PHACTR4: variants seen among roughly 807,000 people sequenced by gnomAD.
PHACTR4 encodes protein phosphatase 1, regulatory subunit 124.
PHACTR4 carries 51 observed loss-of-function variants against 72.7 expected under a neutral mutation model. The observed-to-expected ratio is 0.70, with a 90% CI of 0.56 to 0.89. The LOEUF (loss-of-function observed/expected upper bound fraction) is 0.89. Ranked by LOEUF, PHACTR4 falls within the 40% of genes least tolerant of loss-of-function variation. PHACTR4 has a pLI of 0.00. For synonymous variants in PHACTR4, 255 were observed against 302.5 expected (o/e 0.84, Z 1.63); for missense variants, 731 against 861.8 (o/e 0.85, Z 1.90).
chr1:28,476,154 G>A lies in PHACTR4; in HGVS notation c.1469G>A (p.Ser490Asn), dbSNP rs755380108. ...GAGCAAACCTGTCCATCCACATTCA[G>A]TGAAGAAATGACACCTACCTCAGTC... ...EEEQTCPSTF[S>N]EEMTPTSVIP... The change falls in exon 8 of 14, where the codon AGT becomes AAT. Residue 490 changes from serine to asparagine, a missense_variant. Ser to Asn is a conservative substitution (Grantham distance 46). Transcript: ENST00000373839. 44 of 1,611,990 alleles carry A rather than the reference G, an allele frequency of 2.7e-5. No individual in the cohort carries two copies. Among genetic ancestry groups the A allele is most frequent in the Non-Finnish European group, 3.6e-5 (42 of 1,178,982 alleles).
At chr1:28,437,450 G>A (rs1194940622) in intron 2 of PHACTR4, among the ~76,000 whole-genome samples, 4 of 152,004 alleles carry the variant, frequency 2.6e-5, no homozygotes, top group African/African-American at 7.2e-5. Context: ...CGCTGATCTC[G>A]AGCTCTTGGG....
intron 6 of PHACTR4, among the ~76,000 whole-genome samples, chr1:28,469,706 T>A (rs1226972638): frequency 1.3e-5 from 2 of 152,200 alleles, no homozygotes; most frequent in African/African-American, 4.8e-5. Context: ...AAAATTCACA[T>A]TTTTAGAATC....
Position 28,483,798 on chromosome 1 carries a change from C to CAAAA in PHACTR4, c.1760+3212_1760+3215dup, listed in dbSNP as rs991081654. Among the ~76,000 whole-genome samples, 27 of 70,938 alleles carry CAAAA rather than the reference C, an allele frequency of 3.8e-4. 1 individual carries two copies. The highest frequency in any genetic ancestry group is 1.2e-3 in the African/African-American group (25 of 21,462). The allele number at this position is 70,938 out of a possible 152,430, so 46.5% of individuals were successfully genotyped here. A position where few individuals can be genotyped will look rare whatever the true frequency, so the allele number is the denominator to read the frequency against. On this transcript the variant is annotated intron_variant, in intron 9 of 13. Transcript: ENST00000373839. ...TGGGTGACAGAGCAAGACTCCGTCT[C>CAAAA]AAAAAAAAAAAAAAAAAAAAAGAGA...
chr1:28,479,383 A>G (rs546457054), intron 8 of PHACTR4, among the ~76,000 whole-genome samples: 2 of 144,328 alleles, frequency 1.4e-5, no homozygotes, highest in South Asian at 2.3e-4. Flanking sequence ...CTGTGCCACT[A>G]CACTCCAGCC....
intron 2 of PHACTR4, among the ~76,000 whole-genome samples, chr1:28,419,722 A>C (rs748787026): frequency 3.3e-4 from 50 of 152,314 alleles, no homozygotes; most frequent in Admixed American, 5.9e-4. Context: ...TAAAAGCTTT[A>C]GTTACCCTAG....
intron 1 of PHACTR4, among the ~76,000 whole-genome samples, chr1:28,382,367 G>A (rs1023510860): frequency 4.0e-5 from 6 of 151,584 alleles, no homozygotes; most frequent in Non-Finnish European, 7.4e-5. Context: ...GCAGTGGCAC[G>A]ATCTTGGCTC....
At chr1:28,492,916 G>A in intron 12 of PHACTR4, 99 bp from the exon 13 acceptor site, 2 of 1,042,500 alleles carry the variant, frequency 1.9e-6, no homozygotes, top group South Asian at 1.4e-5. Flanking sequence ...AGGGGTTGCA[G>A]TGACTTACAA....
intron 6 of PHACTR4, among the ~76,000 whole-genome samples, chr1:28,472,882 A>G (rs1332727222): frequency 7.0e-6 from 1 of 142,520 alleles, no homozygotes; most frequent in Non-Finnish European, 1.5e-5. Flanking sequence ...CTCCCAAAGT[A>G]TTGGGATTAC....
At chr1:28,491,530 T>G (rs979564792) in intron 11 of PHACTR4, 120 bp from the exon 12 acceptor site, 19 of 1,337,620 alleles carry the variant, frequency 1.4e-5, no homozygotes, top group African/African-American at 7.4e-5. Context: ...GGATCAATAG[T>G]GTCTAAAGCT....
At chr1:28,369,897 G>A (rs1173173267) in intron 1 of PHACTR4, 72 bp downstream of exon 1, 3 of 406,666 alleles carry the variant, frequency 7.4e-6, no homozygotes, top group Admixed American at 6.2e-5. Flanking sequence ...CTCAGGCTGC[G>A]GCCCCTTTCT....
At chr1:28,492,690 C>T (rs1178575509) in intron 12 of PHACTR4, among the ~76,000 whole-genome samples, 1 of 151,830 alleles carries the variant, frequency 6.6e-6, no homozygotes, top group South Asian at 2.1e-4. Flanking sequence ...AACCCAGGAG[C>T]TGAAGGTTGC....
At chr1:28,423,841 A>T (rs768957597) in intron 2 of PHACTR4, among the ~76,000 whole-genome samples, 1 of 152,164 alleles carries the variant, frequency 6.6e-6, no homozygotes, top group African/African-American at 2.4e-5. Flanking sequence ...CACACGTTCA[A>T]TTCATGTTAG....
chr1:28,379,523 CT>C (rs557078126), intron 1 of PHACTR4, among the ~76,000 whole-genome samples: 218 of 152,024 alleles, frequency 1.4e-3, no homozygotes, highest in African/African-American at 5.0e-3. Context: ...ATCCATCCAC[CT>C]TGGCCTGCCA....
chr1:28,410,377 A>G (rs1654699585), intron 2 of PHACTR4, among the ~76,000 whole-genome samples: 1 of 152,176 alleles, frequency 6.6e-6, no homozygotes, highest in Admixed American at 6.5e-5. Context: ...TGACCATATG[A>G]TAAACTAGAA....
intron 2 of PHACTR4, among the ~76,000 whole-genome samples, chr1:28,416,347 C>G (rs764535435): frequency 1.3e-5 from 2 of 152,184 alleles, no homozygotes; most frequent in Non-Finnish European, 2.9e-5. Flanking sequence ...ATCCTACCCA[C>G]TGCCCAGTAG....
At chr1:28,462,928 G>A (rs537977856) in intron 4 of PHACTR4, among the ~76,000 whole-genome samples, 1 of 152,268 alleles carries the variant, frequency 6.6e-6, no homozygotes, top group South Asian at 2.1e-4. Context: ...GGCCTGGCGC[G>A]GTGGCTCATG....
intron 2 of PHACTR4, among the ~76,000 whole-genome samples, chr1:28,456,020 C>G (rs1658359939): frequency 6.6e-6 from 1 of 151,830 alleles, no homozygotes; most frequent in African/African-American, 2.4e-5. Flanking sequence ...ACATATTTTG[C>G]TTATGTATCA....
chr1:28,427,228 T>G (rs1034071742), intron 2 of PHACTR4, among the ~76,000 whole-genome samples: 5 of 152,058 alleles, frequency 3.3e-5, no homozygotes, highest in African/African-American at 1.2e-4. Context: ...TTAGAACCAA[T>G]AACAGTATAA....
At chr1:28,478,483 G>A (rs1660062027) in intron 8 of PHACTR4, among the ~76,000 whole-genome samples, 1 of 152,044 alleles carries the variant, frequency 6.6e-6, no homozygotes, top group African/African-American at 2.4e-5. Flanking sequence ...CCAGGCAGGA[G>A]TGCAGAGGCA....
Sources: gnomAD v4.1 joint callset for allele counts (sites outside exome capture counted in the v4.1 genomes callset) on GRCh38, gnomAD v4.1.1 for gene constraint, MANE v1.5 for transcripts, NCBI Gene and HGNC (gene_info 2026-07-23, HGNC 2026-07-21) for gene names.